Variants in SEC31A observed in about 807,000 individuals in gnomAD.
SEC31A encodes the protein SEC31 homolog A, COPII component.
In SEC31A, 70 loss-of-function variants were observed where a neutral mutation model predicts 151.0. That is an observed-to-expected ratio of 0.46 (90% CI 0.38 to 0.57). The LOEUF (loss-of-function observed/expected upper bound fraction) is 0.57, where lower values mean the gene tolerates loss of function less well. SEC31A is among the 20% of genes least tolerant of loss of function. The pLI, the probability that SEC31A is intolerant of heterozygous loss-of-function variation, is 0.00. For synonymous variants in SEC31A, 475 were observed against 505.9 expected (o/e 0.94, Z 0.82); for missense variants, 1,330 against 1,471.2 (o/e 0.90, Z 1.57).
At chr4:82,840,597 AT>A (rs1728498491) in intron 22 of SEC31A, among the ~76,000 whole-genome samples, 1 of 152,224 alleles carries the variant, frequency 6.6e-6, no homozygotes, top group Non-Finnish European at 1.5e-5. Flanking sequence ...TGAGAAATAC[AT>A]CATTAAATGA....
intron 20 of SEC31A, among the ~76,000 whole-genome samples, chr4:82,848,473 T>G (rs1360118049): frequency 1.3e-5 from 2 of 152,210 alleles, no homozygotes; most frequent in Non-Finnish European, 2.9e-5. Flanking sequence ...TTCCTGCTAC[T>G]TTACAGCTTG....
intron 22 of SEC31A, among the ~76,000 whole-genome samples, chr4:82,838,821 T>C (rs1267052016): frequency 6.6e-6 from 1 of 152,210 alleles, no homozygotes; most frequent in Non-Finnish European, 1.5e-5. Flanking sequence ...ATTGCAACAT[T>C]AGTTTCTCTG....
intron 22 of SEC31A, among the ~76,000 whole-genome samples, chr4:82,833,293 A>T (rs1726412593): frequency 6.6e-6 from 1 of 152,196 alleles, no homozygotes; most frequent in African/African-American, 2.4e-5. Context: ...TTCTCAGCAA[A>T]CTATCACAAG....
At chr4:82,839,849 T>C in intron 22 of SEC31A, among the ~76,000 whole-genome samples, 1 of 152,250 alleles carries the variant, frequency 6.6e-6, no homozygotes, top group East Asian at 1.9e-4. Context: ...TCTGTTACTT[T>C]GTATATAAAC....
intron 22 of SEC31A, among the ~76,000 whole-genome samples, chr4:82,841,711 C>T (rs1359083924): frequency 2.6e-5 from 4 of 151,354 alleles, no homozygotes; most frequent in Non-Finnish European, 5.9e-5. Context: ...GTGGCTCACA[C>T]CTGTAATCCC....
intron 24 of SEC31A, among the ~76,000 whole-genome samples, chr4:82,826,235 TA>T (rs947232643): frequency 9.9e-5 from 15 of 152,174 alleles, no homozygotes; most frequent in African/African-American, 3.6e-4. Flanking sequence ...TATTTTTTTT[TA>T]AATACAACTC....
At position 82,870,559 on chromosome 4, in the gene SEC31A, G is replaced by A. The variant is rs528288161; in HGVS notation, c.783-135C>T. ...AAATGCAAGAGTTTCAGCGCCGGGCGCATTGGCTCACACCTGTAATGCCAA... is the reference window on the plus strand; with the variant it reads ...AAATGCAAGAGTTTCAGCGCCGGGCACATTGGCTCACACCTGTAATGCCAA... On this transcript the variant is annotated intron_variant, in intron 7 of 26. Coordinates refer to ENST00000395310, the MANE Select transcript of SEC31A (RefSeq NM_001077207.4). The A allele has an allele frequency of 8.2e-5, 56 of 683,928 alleles. 1 individual carries two copies. In the East Asian group the frequency reaches 9.5e-4, roughly 12 times the overall value. 42.4% of individuals were successfully genotyped at this position (683,928 alleles called of 1,614,324 possible). A position where few individuals can be genotyped will look rare whatever the true frequency, so the allele number is the denominator to read the frequency against.
At chr4:82,896,846 A>C (rs993248767) in intron 3 of SEC31A, among the ~76,000 whole-genome samples, 2 of 152,180 alleles carry the variant, frequency 1.3e-5, no homozygotes. Flanking sequence ...AGCATCATTG[A>C]AGGAGTTTGA....
Position 82,881,859 on chromosome 4 carries a change from T to G in SEC31A, c.78A>C (p.Thr26=). The G allele has an allele frequency of 6.2e-7, 1 of 1,612,586 alleles. No homozygotes were observed. The highest frequency in any genetic ancestry group is 8.5e-7 in the Non-Finnish European group (1 of 1,178,498). The change falls in exon 2 of 27, where the codon ACA becomes ACC. Residue 26 remains threonine (T), a splice_region_variant and synonymous_variant. Transcript: ENST00000395310. ...PAQNHPIYLA[T]GTSAQQLDAT... The stretch of plus-strand genomic sequence containing the variant: ...CTATCTTCTCTCCTTTGAACTTACC[T>G]GTTGCTAGGTAAATGGGGTGATTCT...
intron 13 of SEC31A, 197 bp from the exon 14 acceptor site, chr4:82,861,905 C>CATTT: frequency 1.1e-5 from 1 of 87,902 alleles, no homozygotes; most frequent in Non-Finnish European, 2.0e-5. Context: ...CTTTCCCATT[C>CATTT]TTTTTTTTTT....
intron 22 of SEC31A, among the ~76,000 whole-genome samples, chr4:82,835,000 C>A (rs1272421076): frequency 6.6e-6 from 1 of 152,104 alleles, no homozygotes; most frequent in Non-Finnish European, 1.5e-5. Context: ...TGCTCGCCAC[C>A]ATGCCTGGCT....
At chr4:82,869,243 C>A (rs1736091623) in intron 8 of SEC31A, among the ~76,000 whole-genome samples, 1 of 151,880 alleles carries the variant, frequency 6.6e-6, no homozygotes, top group South Asian at 2.1e-4. Context: ...CCTCAGCCTC[C>A]CTAGTAGCTG....
intron 1 of SEC31A, 36 bp from the exon 2 acceptor site, chr4:82,881,976 T>C (rs775081964): frequency 6.8e-6 from 10 of 1,477,050 alleles, no homozygotes; most frequent in South Asian, 1.1e-5. Flanking sequence ...CAGCCTTGAA[T>C]GACTTGAATG....
At chr4:82,838,096 G>C (rs762339525) in intron 22 of SEC31A, among the ~76,000 whole-genome samples, 2 of 152,050 alleles carry the variant, frequency 1.3e-5, no homozygotes, top group Non-Finnish European at 2.9e-5. Context: ...AATGATACAA[G>C]ATAGAATTAT....
At chr4:82,890,806 C>T in intron 1 of SEC31A, 4 of 1,295,268 alleles carry the variant, frequency 3.1e-6, no homozygotes, top group Admixed American at 3.9e-5. Context: ...GTTACCAGCC[C>T]GGCTACTACT....
At chr4:82,831,991 A>G (rs1199836939) in intron 22 of SEC31A, among the ~76,000 whole-genome samples, 1 of 152,208 alleles carries the variant, frequency 6.6e-6, no homozygotes, top group Non-Finnish European at 1.5e-5. Flanking sequence ...GCCCAAAGTA[A>G]TTTATAGATT....
chr4:82,898,451 G>A (rs990251505), intron 3 of SEC31A, among the ~76,000 whole-genome samples: 1 of 152,184 alleles, frequency 6.6e-6, no homozygotes, highest in Non-Finnish European at 1.5e-5. Flanking sequence ...CTTCATTTAA[G>A]TAAATCTGTT....
chr4:82,881,931 C>T lies in SEC31A; in HGVS notation c.6G>A (p.Lys2=). ...TGGCTGTACGATCTACTTCCTTTAACTTCATCCTGCTAAAGGGAATATTTT... is the reference window on the plus strand; with the variant it reads ...TGGCTGTACGATCTACTTCCTTTAATTTCATCCTGCTAAAGGGAATATTTT... M[K]LKEVDRTAMQ... The change falls in exon 2 of 27, where the codon AAG becomes AAA. Residue 2 remains lysine, a synonymous_variant. Transcript: ENST00000395310. 1 of 1,613,614 alleles carries T rather than the reference C, an allele frequency of 6.2e-7. No homozygotes were observed. The highest frequency in any genetic ancestry group is 2.2e-5 in the East Asian group (1 of 44,884).
At chr4:82,869,825 G>T (rs1176359744) in intron 8 of SEC31A, among the ~76,000 whole-genome samples, 2 of 151,978 alleles carry the variant, frequency 1.3e-5, no homozygotes, top group Non-Finnish European at 2.9e-5. Context: ...AACTACATAA[G>T]CACTAGCAAT....
Sources: gnomAD v4.1 joint callset for allele counts (sites outside exome capture counted in the v4.1 genomes callset) on GRCh38, gnomAD v4.1.1 for gene constraint, MANE v1.5 for transcripts, NCBI Gene and HGNC (gene_info 2026-07-23, HGNC 2026-07-21) for gene names.